The following ANKFN1 variants were observed in gnomAD, a reference collection of about 807,000 sequenced individuals.
ANKFN1 encodes ankyrin repeat and fibronectin type-III domain-containing protein 1.
A neutral mutation model predicts 108.7 loss-of-function variants in ANKFN1; 74 were observed. The observed-to-expected ratio is 0.68, with a 90% CI of 0.56 to 0.83. The LOEUF is 0.83. Among genes scored for constraint, ANKFN1 ranks in the 40% least tolerant of loss-of-function variants. ANKFN1 has a pLI of 0.00. For missense variants in ANKFN1, 1,505 were observed against 1,382.3 expected (o/e 1.09, Z -1.41); for synonymous variants, 547 against 516.2 (o/e 1.06, Z -0.81).
chr17:56,168,263 A>C (rs1020082683), intron 1 of ANKFN1, among the ~76,000 whole-genome samples: 1 of 151,974 alleles, frequency 6.6e-6, no homozygotes, highest in Non-Finnish European at 1.5e-5. Flanking sequence ...TCACAAAAAA[A>C]AAAAAAAAAA....
chr17:56,263,633 G>A (rs550901195), intron 3 of ANKFN1, among the ~76,000 whole-genome samples: 39 of 152,332 alleles, frequency 2.6e-4, no homozygotes, highest in African/African-American at 9.1e-4. Context: ...CTGTGGGTCT[G>A]ACTGGAGTCC....
intron 4 of ANKFN1, among the ~76,000 whole-genome samples, chr17:56,055,596 T>TATATATATATATATACAC (rs768200056): frequency 1.5e-5 from 2 of 130,636 alleles, no homozygotes; most frequent in African/African-American, 3.1e-5. Flanking sequence ...TATGTATATA[T>TATATATATATATATACAC]ACACATTTTT....
At chr17:56,414,296 C>A (rs1161085559) in intron 8 of ANKFN1, among the ~76,000 whole-genome samples, 1 of 152,082 alleles carries the variant, frequency 6.6e-6, no homozygotes, top group Admixed American at 6.6e-5. Flanking sequence ...CTGGTGAATT[C>A]TACCAAACAT....
chr17:56,250,238 C>T (rs139632088), intron 3 of ANKFN1, among the ~76,000 whole-genome samples: 1 of 152,320 alleles, frequency 6.6e-6, no homozygotes, highest in African/African-American at 2.4e-5. Flanking sequence ...TAAAACATTC[C>T]ATGGACCCTC....
chr17:56,305,119 A>G (rs1405717908), intron 3 of ANKFN1, among the ~76,000 whole-genome samples: 1 of 152,192 alleles, frequency 6.6e-6, no homozygotes. Flanking sequence ...ATCCTTCTTC[A>G]CATGGCAGCA....
chr17:56,191,935 A>G (rs1358114902), intron 1 of ANKFN1, among the ~76,000 whole-genome samples: 2 of 151,146 alleles, frequency 1.3e-5, no homozygotes, highest in Non-Finnish European at 2.9e-5. Flanking sequence ...TTTTCTCTAT[A>G]CTTCCCTTCT....
chr17:56,434,555 A>T (rs1205898990), intron 8 of ANKFN1, among the ~76,000 whole-genome samples: 7 of 152,200 alleles, frequency 4.6e-5, no homozygotes, highest in Admixed American at 6.5e-5. Context: ...AAAGTAATGC[A>T]TGCCCCTGTT....
chr17:56,508,542 C>T (rs1402253038), intron 20 of ANKFN1, among the ~76,000 whole-genome samples: 1 of 152,108 alleles, frequency 6.6e-6, no homozygotes, highest in Non-Finnish European at 1.5e-5. Flanking sequence ...TGTTTCTAAT[C>T]CTCTTATCGT....
rs544137637 is a variant in ANKFN1, at chr17:56,296,758, AGACTT to A, written c.54-29462_54-29458del. Among the ~76,000 whole-genome samples, 120 of 152,338 alleles carry A rather than the reference AGACTT, an allele frequency of 7.9e-4. 1 individual carries two copies. Among genetic ancestry groups the A allele is most frequent in the African/African-American group, 2.8e-3 (116 of 41,574 alleles). ...AAGCGCATGAGCTTTGGAGTCAGAC[AGACTT>A]AAGTCCACTGCTGAGTGTCATTGGT... On this transcript the variant is annotated intron_variant, in intron 3 of 20. Coordinates refer to ENST00000682825, the MANE Select transcript of ANKFN1 (RefSeq NM_001370326.1).
At chr17:56,115,698 C>T (rs1293475976) in intron 4 of ANKFN1, among the ~76,000 whole-genome samples, 1 of 152,160 alleles carries the variant, frequency 6.6e-6, no homozygotes, top group Admixed American at 6.5e-5. Context: ...CTTTGGTCCA[C>T]TTTAATGCAA....
chr17:56,139,666 T>C (rs1368987589), intron 4 of ANKFN1, among the ~76,000 whole-genome samples: 1 of 152,168 alleles, frequency 6.6e-6, no homozygotes, highest in Non-Finnish European at 1.5e-5. Flanking sequence ...CCTGAAGAAG[T>C]GAGAAAAGGA....
At chr17:56,270,843 C>T (rs1277735137) in intron 3 of ANKFN1, among the ~76,000 whole-genome samples, 2 of 152,022 alleles carry the variant, frequency 1.3e-5, no homozygotes, top group African/African-American at 4.8e-5. Context: ...ATGGCTGCCT[C>T]CATCTTATTC....
At chr17:56,423,233 G>A (rs1029917686) in intron 8 of ANKFN1, among the ~76,000 whole-genome samples, 2 of 152,176 alleles carry the variant, frequency 1.3e-5, no homozygotes, top group African/African-American at 4.8e-5. Flanking sequence ...GAAAGCAAGT[G>A]GGCTGGAGCC....
At chr17:56,423,474 A>G (rs988421130) in intron 8 of ANKFN1, among the ~76,000 whole-genome samples, 26 of 152,192 alleles carry the variant, frequency 1.7e-4, no homozygotes, top group African/African-American at 6.3e-4. Context: ...CCAGGAACTG[A>G]TCACCTCATT....
rs569348711 is a variant in ANKFN1 at position 56,166,939 on chromosome 17, C to T, written c.-71+13409C>T. 9.9e-5 allele frequency among the ~76,000 whole-genome samples: 15 copies of T among 152,168 alleles called. No individual in the cohort carries two copies. The East Asian group carries it at 1.7e-3, about 18-fold the overall frequency. On this transcript the variant is annotated intron_variant, in intron 1 of 20. Coordinates refer to ENST00000682825, the MANE Select transcript of ANKFN1 (RefSeq NM_001370326.1). ...AAGTCCAGTTCTTCCCATTAGTTGT[C>T]ATGAGATAAATCATTGAATCTCTTT...
chr17:56,324,779 C>T (rs1042778568), intron 3 of ANKFN1, among the ~76,000 whole-genome samples: 56 of 152,208 alleles, frequency 3.7e-4, no homozygotes, highest in African/African-American at 1.3e-3. Flanking sequence ...AGTAAATGTT[C>T]GAAGGAGAGA....
chr17:56,232,122 G>C (rs1029973999), intron 3 of ANKFN1, among the ~76,000 whole-genome samples: 2 of 152,080 alleles, frequency 1.3e-5, no homozygotes, highest in African/African-American at 4.8e-5. Flanking sequence ...TTTGGAATCT[G>C]ATCCCGTATA....
At chr17:56,117,185 T>C (rs774764386) in intron 4 of ANKFN1, among the ~76,000 whole-genome samples, 3 of 152,176 alleles carry the variant, frequency 2.0e-5, no homozygotes, top group Non-Finnish European at 4.4e-5. Context: ...GTCAGTCTTT[T>C]TCATCACCAT....
At chr17:56,311,953 C>A (rs754068288) in intron 3 of ANKFN1, among the ~76,000 whole-genome samples, 49 of 152,322 alleles carry the variant, frequency 3.2e-4, no homozygotes, top group Non-Finnish European at 6.6e-4. Flanking sequence ...TTTGTGATCA[C>A]TCTCTGATCA....
Sources: allele counts gnomAD v4.1 joint callset (sites outside exome capture counted in the v4.1 genomes callset), GRCh38; gene constraint gnomAD v4.1.1; transcripts MANE v1.5; gene names NCBI Gene and HGNC (gene_info 2026-07-23, HGNC 2026-07-21).